SCIMP: variants seen among roughly 807,000 people sequenced by gnomAD.
The protein encoded by SCIMP is SLP adapter and CSK-interacting membrane protein.
A neutral mutation model predicts 22.0 loss-of-function variants in SCIMP; 18 were observed. The observed-to-expected ratio is 0.82, with a 90% CI of 0.56 to 1.21. SCIMP has a LOEUF of 1.21. Ranked by LOEUF, SCIMP falls within the 50% of genes most tolerant of loss-of-function variation. SCIMP has a pLI of 0.00. For synonymous variants in SCIMP, 53 were observed against 62.2 expected (o/e 0.85, Z 0.70); for missense variants, 155 against 171.2 (o/e 0.91, Z 0.53).
At chr17:5,228,874 G>A (rs984752369) in intron 1 of SCIMP, among the ~76,000 whole-genome samples, 22 of 152,136 alleles carry the variant, frequency 1.4e-4, no homozygotes, top group Non-Finnish European at 2.8e-4. Flanking sequence ...GTGAATATAC[G>A]AAAGAATGGA....
In SCIMP at chr17:5,234,444, T is replaced by C; in HGVS notation, c.21+291A>G. On this transcript the variant is annotated intron_variant, in intron 1 of 4. Transcript: ENST00000574081. ...AGACCTCTCACTCCCGGTCATTATC[T>C]CATTTCAATCCAAGAGGTAGACTTC... 5 of 472,880 alleles carry C rather than the reference T, an allele frequency of 1.1e-5. No individual in the cohort carries two copies. In the South Asian group the frequency reaches 1.2e-4, roughly 11 times the overall value. The allele number at this position is 472,880 out of a possible 1,614,324, so 29.3% of individuals were successfully genotyped here.
Position 5,221,273 on chromosome 17 carries a change from TC to T in SCIMP, c.209+13del. On this transcript the variant is annotated intron_variant, in intron 3 of 4. Coordinates refer to ENST00000574081, the MANE Select transcript of SCIMP (RefSeq NM_207103.3). ...TCTCAACAGTAAAAAGCGGAAGGAT[TC>T]CCCCCTACTTACTCATACATCTTTT... The T allele has an allele frequency of 1.3e-6, 2 of 1,598,832 alleles. No homozygotes were observed. Among genetic ancestry groups the T allele is most frequent in the Non-Finnish European group, 1.7e-6 (2 of 1,166,238 alleles).
Position 5,234,756 on chromosome 17 carries a change from ATG to A in SCIMP, c.-3_-2del. 1 of 1,611,172 alleles carries A rather than the reference ATG, an allele frequency of 6.2e-7. No individual in the cohort carries two copies. Among genetic ancestry groups the A allele is most frequent in the Non-Finnish European group, 8.5e-7 (1 of 1,178,898 alleles). ...TTACCTGAACTGTGAAAGTATCCATATGTGAGCAGCTAAGGAGACAGCAGTGG... is the reference window on the plus strand; with the variant it reads ...TTACCTGAACTGTGAAAGTATCCATATGAGCAGCTAAGGAGACAGCAGTGG... On this transcript the variant is annotated 5_prime_UTR_variant, in exon 1 of 5. Coordinates refer to ENST00000574081, the MANE Select transcript of SCIMP (RefSeq NM_207103.3).
intron 2 of SCIMP, 113 bp from the exon 3 acceptor site, chr17:5,221,463 C>T (rs1046517800): frequency 8.8e-6 from 7 of 795,744 alleles, no homozygotes; most frequent in African/African-American, 6.8e-5. Flanking sequence ...TAGAGCCGGA[C>T]TTAGAACCCA....
intron 1 of SCIMP, among the ~76,000 whole-genome samples, chr17:5,231,866 AAC>A (rs2074697851): frequency 6.6e-6 from 1 of 152,164 alleles, no homozygotes; most frequent in African/African-American, 2.4e-5. Context: ...CATCCTGGCT[AAC>A]ACAATGAAAC....
chr17:5,231,066 T>G (rs1051691975), intron 1 of SCIMP, among the ~76,000 whole-genome samples: 6 of 151,778 alleles, frequency 4.0e-5, no homozygotes. Flanking sequence ...GTTGTTTAAG[T>G]TGTTTTTCAA....
intron 3 of SCIMP, among the ~76,000 whole-genome samples, chr17:5,217,616 T>C (rs1277813047): frequency 7.6e-6 from 1 of 130,986 alleles, no homozygotes; most frequent in Non-Finnish European, 1.6e-5. Flanking sequence ...CCTGTGTCCA[T>C]GTGTTCTCAT....
intron 4 of SCIMP, among the ~76,000 whole-genome samples, chr17:5,211,353 T>C (rs1293607975): frequency 6.6e-6 from 1 of 151,938 alleles, no homozygotes; most frequent in Non-Finnish European, 1.5e-5. Flanking sequence ...GAGACCCTCG[T>C]CCCTACAGAA....
chr17:5,229,220 G>A (rs943546403), intron 1 of SCIMP, among the ~76,000 whole-genome samples: 1 of 152,020 alleles, frequency 6.6e-6, no homozygotes, highest in Admixed American at 6.6e-5. Context: ...GAAAGGATTT[G>A]GCAAGACCTT....
chr17:5,227,524 C>T (rs1172891113), intron 1 of SCIMP, among the ~76,000 whole-genome samples: 1 of 152,104 alleles, frequency 6.6e-6, no homozygotes, highest in Non-Finnish European at 1.5e-5. Context: ...CCAGAATGAA[C>T]TTTCAAAAGG....
intron 3 of SCIMP, among the ~76,000 whole-genome samples, chr17:5,217,563 T>TC (rs1367494577): frequency 2.1e-5 from 1 of 46,632 alleles, no homozygotes; most frequent in Admixed American, 2.7e-4. Flanking sequence ...CCCTCCCCCC[T>TC]CCCCCCACCC....
rs1254714936 is a variant in SCIMP at position 5,234,821 on chromosome 17, A to G, written c.-66T>C. On this transcript the variant is annotated 5_prime_UTR_variant, in exon 1 of 5. It removes an upstream start codon present in the reference 5' UTR. Coordinates refer to ENST00000574081, the MANE Select transcript of SCIMP (RefSeq NM_207103.3). ...AGCTCAGGCACAGCTGGTGAGAGGCATTCCTCACTCACAGGCCTTCACCCA... is the reference window on the plus strand; with the variant it reads ...AGCTCAGGCACAGCTGGTGAGAGGCGTTCCTCACTCACAGGCCTTCACCCA... The G allele has an allele frequency of 2.5e-6, 4 of 1,575,236 alleles. No individual in the cohort carries two copies. Among genetic ancestry groups the G allele is most frequent in the Non-Finnish European group, 1.7e-6 (2 of 1,159,856 alleles).
At chr17:5,228,252 G>A (rs771591577) in intron 1 of SCIMP, among the ~76,000 whole-genome samples, 1 of 151,754 alleles carries the variant, frequency 6.6e-6, no homozygotes, top group Non-Finnish European at 1.5e-5. Context: ...AGGTTGAAGT[G>A]GGAGGATTGT....
In SCIMP at chr17:5,210,882, A is replaced by C. The variant is rs754054475; in HGVS notation, c.357T>G (p.Val119=). Residue 119 remains valine, a synonymous_variant, in exon 5 of 5, where the codon GTT becomes GTG. Transcript: ENST00000574081. ...LVNKVKNKKT[V]SIPSYIEPED... ...CAGGCTCAATGTAGCTTGGGATGGA[A>C]ACAGTCTTCTTATTTTTAACTTTAT... is the stretch of plus-strand genomic sequence containing the variant. The C allele has an allele frequency of 6.2e-7, 1 of 1,614,126 alleles. No homozygotes were observed. Among genetic ancestry groups the C allele is most frequent in the South Asian group, 1.1e-5 (1 of 91,070 alleles).
At chr17:5,223,977 A>G (rs1218985667) in intron 1 of SCIMP, among the ~76,000 whole-genome samples, 1 of 152,214 alleles carries the variant, frequency 6.6e-6, no homozygotes, top group African/African-American at 2.4e-5. Flanking sequence ...AGCCTCATCT[A>G]TAATATGGGA....
chr17:5,215,062 T>A, intron 3 of SCIMP, 64 bp from the exon 4 acceptor site: 1 of 1,012,320 alleles, frequency 9.9e-7, no homozygotes, highest in Non-Finnish European at 1.6e-6. Flanking sequence ...CCAGCCGATT[T>A]AAGAGAAAAC....
intron 1 of SCIMP, among the ~76,000 whole-genome samples, chr17:5,231,095 C>T (rs1173525238): frequency 6.6e-6 from 1 of 152,110 alleles, no homozygotes; most frequent in South Asian, 2.1e-4. Flanking sequence ...CACGGTGGCT[C>T]ACGCCTGTAA....
chr17:5,209,500 T>C lies in SCIMP; in HGVS notation c.*1301A>G, dbSNP rs968731466. The C allele has an allele frequency of 1.3e-5, 2 of 152,200 alleles. No individual in the cohort carries two copies. Among genetic ancestry groups the C allele is most frequent in the African/African-American group, 4.8e-5 (2 of 41,424 alleles). The allele number at this position is 152,200 out of a possible 1,614,324, so 9.4% of individuals were successfully genotyped here. ...TCCAGCGTTGATTGAGGGAGAAAGCTTGAAAATGGGAGGAACACATTTTCC... is the reference window on the plus strand; with the variant it reads ...TCCAGCGTTGATTGAGGGAGAAAGCCTGAAAATGGGAGGAACACATTTTCC... On this transcript the variant is annotated 3_prime_UTR_variant, in exon 5 of 5. Coordinates refer to ENST00000574081, the MANE Select transcript of SCIMP (RefSeq NM_207103.3).
intron 1 of SCIMP, among the ~76,000 whole-genome samples, chr17:5,226,168 G>A (rs554482640): frequency 3.3e-5 from 5 of 152,280 alleles, no homozygotes; most frequent in South Asian, 2.1e-4. Context: ...TTGTGACTGC[G>A]TGGAAGGTCG....
Sources: allele counts gnomAD v4.1 joint callset (sites outside exome capture counted in the v4.1 genomes callset), GRCh38; gene constraint gnomAD v4.1.1; transcripts MANE v1.5; gene names NCBI Gene and HGNC (gene_info 2026-07-23, HGNC 2026-07-21).